The following CPED1 variants were observed in gnomAD, a reference collection of about 807,000 sequenced individuals.
The protein encoded by CPED1 is cadherin-like and PC-esterase domain-containing protein 1.
In CPED1, 114 loss-of-function variants were observed where a neutral mutation model predicts 128.2. The observed-to-expected ratio is 0.89, with a 90% confidence interval of 0.76 to 1.04. The LOEUF is 1.04. Among genes scored for constraint, CPED1 ranks in the 50% least tolerant of loss-of-function variants. CPED1 has a pLI of 0.00. For missense variants in CPED1, 1,211 were observed against 1,207.1 expected, an observed-to-expected ratio of 1.00 and a Z score of -0.05; for synonymous variants, 462 against 426.7, an observed-to-expected ratio of 1.08 and a Z score of -1.02.
intron 3 of CPED1, among the ~76,000 whole-genome samples, chr7:121,021,062 G>A (rs1487859589): frequency 6.6e-6 from 1 of 151,808 alleles, no homozygotes; most frequent in Non-Finnish European, 1.5e-5. Flanking sequence ...AGTATTTATT[G>A]GAATTTGTAT....
At chr7:121,175,561 A>G (rs1233711896) in intron 16 of CPED1, among the ~76,000 whole-genome samples, 1 of 152,128 alleles carries the variant, frequency 6.6e-6, no homozygotes, top group East Asian at 1.9e-4. Context: ...AAATGTAGGT[A>G]GTTTGGTTCC....
intron 16 of CPED1, among the ~76,000 whole-genome samples, chr7:121,185,734 T>G (rs987516263): frequency 5.9e-5 from 9 of 152,304 alleles, no homozygotes; most frequent in African/African-American, 2.2e-4. Context: ...TTGCATCTAC[T>G]GGGGGTTCTT....
At chr7:121,077,950 C>T (rs1181003319) in intron 5 of CPED1, among the ~76,000 whole-genome samples, 1 of 151,918 alleles carries the variant, frequency 6.6e-6, no homozygotes, top group African/African-American at 2.4e-5. Context: ...TTACCTTGCT[C>T]GGTTAGTTTT....
At chr7:121,161,549 A>G (rs1023517836) in intron 16 of CPED1, among the ~76,000 whole-genome samples, 4 of 152,324 alleles carry the variant, frequency 2.6e-5, no homozygotes, top group South Asian at 2.1e-4. Flanking sequence ...TTACATGTGC[A>G]AAATCTCTCC....
rs1240076249 is a variant in CPED1 at position 120,989,727 on chromosome 7, C to T, written c.106C>T (p.Arg36Ter). ...TCTCTTCTACCAGACTCTGACCCTC[C>T]GAGGGTCGAGGAAGCTCACAGCCGC... is the stretch of plus-strand genomic sequence containing the variant. ...ICLFYQTLTL[R>*]GSRKLTAAAP... is the part of the protein sequence containing the mutation. The change falls in exon 2 of 23, where the codon CGA becomes TGA. Residue 36 changes from arginine to a stop codon, truncating the protein, a stop_gained. Transcript: ENST00000310396. LOFTEE classifies it high-confidence loss of function. 3 of 1,613,838 alleles carry T rather than the reference C, an allele frequency of 1.9e-6. No homozygotes were observed. The highest frequency in any genetic ancestry group is 1.1e-5 in the South Asian group (1 of 91,026).
At chr7:121,217,672 G>A (rs920102694) in intron 16 of CPED1, among the ~76,000 whole-genome samples, 3 of 152,088 alleles carry the variant, frequency 2.0e-5, no homozygotes, top group East Asian at 2.0e-4. Context: ...TGTCTGGCTG[G>A]TGTCTTCAAC....
intron 14 of CPED1, among the ~76,000 whole-genome samples, chr7:121,136,340 AG>A (rs1359651298): frequency 6.6e-6 from 1 of 152,044 alleles, no homozygotes; most frequent in Non-Finnish European, 1.5e-5. Flanking sequence ...TAGGAGTTGT[AG>A]GGCATTGCCT....
Position 120,989,852 on chromosome 7 carries a change from T to C in CPED1, c.231T>C (p.Asn77=). 2 of 1,614,100 alleles carry C rather than the reference T, an allele frequency of 1.2e-6. No homozygotes were observed. The highest frequency in any genetic ancestry group is 8.5e-7 in the Non-Finnish European group (1 of 1,180,024). Residue 77 remains asparagine, a synonymous_variant, in exon 2 of 23, where the codon AAT becomes AAC. Coordinates refer to ENST00000310396, the MANE Select transcript of CPED1 (RefSeq NM_024913.5). Reference sequence around the variant, plus strand: ...AACAGTGCTTCCTTCTCTCTGGTAATGCCCAGGAAACCAGAAAGGTAAGAC... The same window carrying C: ...AACAGTGCTTCCTTCTCTCTGGTAACGCCCAGGAAACCAGAAAGGTAAGAC... ...QDKQCFLLSG[N]AQETRKVKES...
At chr7:121,210,171 G>A (rs921801799) in intron 16 of CPED1, among the ~76,000 whole-genome samples, 1 of 152,070 alleles carries the variant, frequency 6.6e-6, no homozygotes, top group South Asian at 2.1e-4. Context: ...AAAGGGAGGC[G>A]AGGATGTGAA....
At position 121,271,320 on chromosome 7, in the gene CPED1, A is replaced by T; in HGVS notation, c.2758A>T (p.Ile920Phe). The change falls in exon 22 of 23, where the codon ATT (isoleucine) becomes TTT (phenylalanine). Residue 920 changes from isoleucine to phenylalanine, a missense_variant. Coordinates refer to ENST00000310396, the MANE Select transcript of CPED1 (RefSeq NM_024913.5). ...VQNLWKENLI[I>F]LDTAKKHGYE... is the part of the protein sequence containing the mutation. ...GAACTTATGGAAAGAAAATTTGATTATTCTGGATACTGCAAAAAAACATGG... is the reference window on the plus strand; with the variant it reads ...GAACTTATGGAAAGAAAATTTGATTTTTCTGGATACTGCAAAAAAACATGG... The T allele has an allele frequency of 6.2e-7, 1 of 1,612,504 alleles. No homozygotes were observed.
At chr7:121,097,159 A>G (rs1028070893) in intron 5 of CPED1, among the ~76,000 whole-genome samples, 3 of 152,170 alleles carry the variant, frequency 2.0e-5, no homozygotes, top group Non-Finnish European at 4.4e-5. Flanking sequence ...TCTTAAGTAA[A>G]CCATTATTAT....
intron 5 of CPED1, among the ~76,000 whole-genome samples, chr7:121,079,908 G>A (rs1794241139): frequency 6.6e-6 from 1 of 152,178 alleles, no homozygotes; most frequent in Non-Finnish European, 1.5e-5. Context: ...TGGGTAACAC[G>A]CTGATAATTT....
intron 3 of CPED1, among the ~76,000 whole-genome samples, chr7:121,040,912 ATACTT>A (rs1222935604): frequency 6.6e-6 from 1 of 151,964 alleles, no homozygotes; most frequent in Admixed American, 6.6e-5. Context: ...TTTCCAAACT[ATACTT>A]TATAAATCTG....
At chr7:121,115,136 C>G (rs1468944820) in intron 7 of CPED1, among the ~76,000 whole-genome samples, 1 of 152,070 alleles carries the variant, frequency 6.6e-6, no homozygotes, top group Non-Finnish European at 1.5e-5. Context: ...TAATTGAGGG[C>G]AGGGAAGTCA....
At chr7:121,210,963 TA>T (rs915725767) in intron 16 of CPED1, among the ~76,000 whole-genome samples, 9 of 151,634 alleles carry the variant, frequency 5.9e-5, no homozygotes, top group East Asian at 3.9e-4. Flanking sequence ...CCCATAAAAA[TA>T]AAAAAAATTA....
At chr7:121,234,813 G>C (rs1026360320) in intron 16 of CPED1, among the ~76,000 whole-genome samples, 1 of 152,054 alleles carries the variant, frequency 6.6e-6, no homozygotes, top group South Asian at 2.1e-4. Context: ...GAACACACAC[G>C]TACACGTGTG....
chr7:121,047,693 TCTTCTTCTTCTTCTTCTTCTTC>T (rs1563004919), intron 4 of CPED1, among the ~76,000 whole-genome samples: 54 of 37,188 alleles, frequency 1.5e-3, no homozygotes, highest in Non-Finnish European at 1.7e-3. Flanking sequence ...TTCTTCTTCT[TCTTCTTCTTCTTCTTCTTCTTC>T]TTTTTTTTTT....
At chr7:121,094,755 A>G (rs1026306571) in intron 5 of CPED1, among the ~76,000 whole-genome samples, 2 of 152,202 alleles carry the variant, frequency 1.3e-5, no homozygotes, top group African/African-American at 2.4e-5. Flanking sequence ...CATCATTTTC[A>G]TAATGCTTTT....
intron 16 of CPED1, among the ~76,000 whole-genome samples, chr7:121,194,538 G>T (rs1207863976): frequency 6.6e-6 from 1 of 151,962 alleles, no homozygotes; most frequent in Non-Finnish European, 1.5e-5. Flanking sequence ...TCATTTACCA[G>T]CTGTATGGTT....
Sources: gnomAD v4.1 joint callset for allele counts (sites outside exome capture counted in the v4.1 genomes callset) on GRCh38, gnomAD v4.1.1 for gene constraint, MANE v1.5 for transcripts, NCBI Gene and HGNC (gene_info 2026-07-23, HGNC 2026-07-21) for gene names.